RAI1: variants seen among roughly 807,000 people sequenced by gnomAD.
RAI1 encodes the protein retinoic acid-induced protein 1.
A neutral mutation model predicts 123.8 loss-of-function variants in RAI1; 9 were observed. That is an observed-to-expected ratio of 0.07 (90% confidence interval 0.04 to 0.13). RAI1 has a LOEUF of 0.13. Ranked by LOEUF, RAI1 falls within the 10% of genes least tolerant of loss-of-function variation. The pLI is 1.00. For synonymous variants in RAI1, 1,231 were observed against 1,127.3 expected (o/e 1.09, Z -1.84); for missense variants, 2,256 against 2,545.8 (o/e 0.89, Z 2.45).
intron 1 of RAI1, among the ~76,000 whole-genome samples, chr17:17,704,259 C>T (rs929190853): frequency 1.1e-4 from 16 of 152,262 alleles, no homozygotes; most frequent in African/African-American, 3.9e-4. Context: ...AGTCTCGTTT[C>T]AGCCCTGCAC....
chr17:17,721,415 G>C (rs914280540), intron 1 of RAI1, among the ~76,000 whole-genome samples: 6 of 152,170 alleles, frequency 3.9e-5, no homozygotes, highest in Non-Finnish European at 8.8e-5. Flanking sequence ...TGGTATATTA[G>C]AAGGTAGGGA....
chr17:17,748,528 G>C (rs115739597), intron 2 of RAI1, among the ~76,000 whole-genome samples: 2,808 of 152,348 alleles, frequency 0.018, 83 homozygotes, highest in African/African-American at 0.064. Context: ...CAACAACCCT[G>C]TGAGATAGGA....
At chr17:17,720,468 A>G (rs1033169051) in intron 1 of RAI1, among the ~76,000 whole-genome samples, 1 of 152,228 alleles carries the variant, frequency 6.6e-6, no homozygotes, top group Non-Finnish European at 1.5e-5. Flanking sequence ...CTGGTGTTCC[A>G]GCAACATTTG....
At position 17,793,233 on chromosome 17, in the gene RAI1, G is replaced by C; in HGVS notation, c.285G>C (p.Pro95=). The change falls in exon 3 of 6, where the codon CCG becomes CCC. Residue 95 remains proline (P), a synonymous_variant. Transcript: ENST00000353383. The part of the protein sequence containing the change: ...LPTQQGLQGR[P]AFPGYGVQDS... ...CACAGCAAGGCCTGCAGGGGAGGCCGGCTTTCCCTGGCTACGGCGTCCAGG... is the reference window on the plus strand; with the variant it reads ...CACAGCAAGGCCTGCAGGGGAGGCCCGCTTTCCCTGGCTACGGCGTCCAGG... 1 of 1,611,468 alleles carries C rather than the reference G, an allele frequency of 6.2e-7. No homozygotes were observed. Among genetic ancestry groups the C allele is most frequent in the Non-Finnish European group, 8.5e-7 (1 of 1,179,156 alleles).
At chr17:17,783,277 G>C (rs1598078731) in intron 2 of RAI1, among the ~76,000 whole-genome samples, 1 of 152,058 alleles carries the variant, frequency 6.6e-6, no homozygotes. Flanking sequence ...CGCCGGCGGA[G>C]AACTGGCGGG....
chr17:17,717,335 C>A (rs1324805675), intron 1 of RAI1, among the ~76,000 whole-genome samples: 1 of 152,166 alleles, frequency 6.6e-6, no homozygotes, highest in Non-Finnish European at 1.5e-5. Flanking sequence ...AGGCCTGGGC[C>A]CAGCTGTTCC....
At chr17:17,762,374 G>C (rs1307512843) in intron 2 of RAI1, among the ~76,000 whole-genome samples, 1 of 152,170 alleles carries the variant, frequency 6.6e-6, no homozygotes, top group Non-Finnish European at 1.5e-5. Flanking sequence ...GTGGGAGCCA[G>C]TGTGGTTGGA....
chr17:17,801,637 G>A lies in RAI1; in HGVS notation c.5566-2119G>A, dbSNP rs766143311. Among the ~76,000 whole-genome samples the A allele has an allele frequency of 2.6e-5, 4 of 152,212 alleles. No individual in the cohort carries two copies. Among genetic ancestry groups the A allele is most frequent in the Non-Finnish European group, 5.9e-5 (4 of 68,034 alleles). On this transcript the variant is annotated intron_variant, in intron 3 of 5. Transcript: ENST00000353383. The surrounding 1 kb of genome is among the most constrained non-coding windows in gnomAD (Gnocchi z 4.1). ...CCATCCCAGACTAGGCGGGAAGGAG[G>A]CCTCAGCCCTGAGCTGAAAACCTGA...
intron 2 of RAI1, among the ~76,000 whole-genome samples, chr17:17,783,565 A>C (rs942894737): frequency 6.6e-6 from 1 of 152,106 alleles, no homozygotes; most frequent in African/African-American, 2.4e-5. Context: ...AACAACCCCC[A>C]CACACCCTGC....
In RAI1 at chr17:17,809,774, TGAAGGC is replaced by T. The variant is rs1307969970; in HGVS notation, c.5710-190_5710-185del. ...GGGGCGCGGGACGGTGGCACGGAGCTGAAGGCGAAGGTGAAGGTGAAGCTGGACGGG... is the reference window on the plus strand; with the variant it reads ...GGGGCGCGGGACGGTGGCACGGAGCTGAAGGTGAAGGTGAAGCTGGACGGG... On this transcript the variant is annotated intron_variant, in intron 5 of 5. Coordinates refer to ENST00000353383, the MANE Select transcript of RAI1 (RefSeq NM_030665.4). This position sits in a 1 kb window ranked among gnomAD's most constrained non-coding sequence, Gnocchi z 4.9. Among the ~76,000 whole-genome samples the T allele has an allele frequency of 2.0e-5, 3 of 150,774 alleles. No individual in the cohort carries two copies. Among genetic ancestry groups the T allele is most frequent in the Non-Finnish European group, 2.9e-5 (2 of 67,934 alleles).
In RAI1 at chr17:17,794,682, T is replaced by C. The variant is rs766581963; in HGVS notation, c.1734T>C (p.Ser578=). ...ACTCCTTCCAGAGCCTACACGGCAG[T>C]CTGCCGCTCGACAGCTTCTCCAAGT... The part of the protein sequence containing the change: ...SDDSFQSLHG[S]LPLDSFSKFV... The change falls in exon 3 of 6, where the codon AGT becomes AGC. Residue 578 remains serine, a synonymous_variant. Coordinates refer to ENST00000353383, the MANE Select transcript of RAI1 (RefSeq NM_030665.4). 1.9e-6 allele frequency: 3 copies of C among 1,612,876 alleles called. No individual in the cohort carries two copies. In the Admixed American group the frequency reaches 5.0e-5, roughly 27 times the overall value.
chr17:17,728,789 C>G (rs1004864438), intron 2 of RAI1, among the ~76,000 whole-genome samples: 1 of 152,204 alleles, frequency 6.6e-6, no homozygotes, highest in Non-Finnish European at 1.5e-5. Flanking sequence ...TGAGGTCATG[C>G]AGCCAGGAGT....
intron 1 of RAI1, among the ~76,000 whole-genome samples, chr17:17,723,768 C>T (rs1424700512): frequency 2.0e-5 from 3 of 149,610 alleles, no homozygotes; most frequent in Non-Finnish European, 4.5e-5. Flanking sequence ...TCGCGCGCCC[C>T]TCCCCGCGCG....
At chr17:17,747,839 A>T (rs2029986411) in intron 2 of RAI1, among the ~76,000 whole-genome samples, 1 of 152,180 alleles carries the variant, frequency 6.6e-6, no homozygotes, top group Non-Finnish European at 1.5e-5. Flanking sequence ...TAGAAGCAGG[A>T]GGATCTTTGA....
At chr17:17,724,812 GCCTTCCTC>G (rs1249668752) in intron 2 of RAI1, among the ~76,000 whole-genome samples, 1 of 151,436 alleles carries the variant, frequency 6.6e-6, no homozygotes, top group African/African-American at 2.4e-5. Context: ...CCCCACCCCC[GCCTTCCTC>G]CCTTCCTCGG....
Position 17,810,746 on chromosome 17 carries a change from C to A in RAI1, c.*765C>A, listed in dbSNP as rs140957246. The A allele has an allele frequency of 7.0e-4, 312 of 448,230 alleles. No individual in the cohort carries two copies. The highest frequency in any genetic ancestry group is 5.9e-3 in the African/African-American group (294 of 49,934). 27.8% of individuals were successfully genotyped at this position (448,230 alleles called of 1,614,324 possible). On this transcript the variant is annotated 3_prime_UTR_variant, in exon 6 of 6. Transcript: ENST00000353383. The surrounding 1 kb of genome is among the most constrained non-coding windows in gnomAD (Gnocchi z 4.6). ...GTCCCCTTTCCAGTCCTCCACCCCACCCCTGGAGCCCAGCCTGGGAGCGCA... is the reference window on the plus strand; with the variant it reads ...GTCCCCTTTCCAGTCCTCCACCCCAACCCTGGAGCCCAGCCTGGGAGCGCA...
intron 4 of RAI1, chr17:17,804,117 T>A (rs1038816301): frequency 1.9e-6 from 1 of 529,338 alleles, no homozygotes; most frequent in Non-Finnish European, 3.5e-6. Flanking sequence ...CAATGTGGAA[T>A]GCTGTCTGCG....
Position 17,794,951 on chromosome 17 carries a change from C to T in RAI1, c.2003C>T (p.Pro668Leu), listed in dbSNP as rs750407646. 2 of 1,613,778 alleles carry T rather than the reference C, an allele frequency of 1.2e-6. No homozygotes were observed. The highest frequency in any genetic ancestry group is 1.7e-5 in the Admixed American group (1 of 60,024). Residue 668 changes from proline (P) to leucine (L), a missense_variant, in exon 3 of 6, where the codon CCC (proline) becomes CTC (leucine). Pro to Leu is a moderately conservative substitution (Grantham distance 98). Around this residue, in one of 7 missense-constraint regions of RAI1, gnomAD observed 566 missense variants for 616.0 expected, o/e 0.92. Coordinates refer to ENST00000353383, the MANE Select transcript of RAI1 (RefSeq NM_030665.4). ...CGGCCTGGGGAGCCGGAGGCCCTGC[C>T]CGACTCCTTGCAGCTGGACAAGGGC... ...WPRPGEPEAL[P>L]DSLQLDKGGN...
chr17:17,765,633 G>A (rs985126060), intron 2 of RAI1, among the ~76,000 whole-genome samples: 1 of 152,258 alleles, frequency 6.6e-6, no homozygotes, highest in Non-Finnish European at 1.5e-5. Context: ...AGGTACACGT[G>A]TGAGGAATCT....
Sources: gnomAD v4.1 joint callset for allele counts (sites outside exome capture counted in the v4.1 genomes callset) on GRCh38, gnomAD v4.1.1 for gene constraint, gnomAD v4.1.1 regional missense constraint, Gnocchi (gnomAD v3.1) non-coding constraint, MANE v1.5 for transcripts, NCBI Gene and HGNC (gene_info 2026-07-23, HGNC 2026-07-21) for gene names.